Variants in GNAS observed in about 807,000 individuals in gnomAD.
The protein encoded by GNAS is GNAS complex locus, also known as protein ALEX.
A neutral mutation model predicts 54.5 loss-of-function variants in GNAS; 8 were observed. The ratio of observed to expected loss-of-function variants is 0.15; its 90% CI spans 0.09 to 0.26. GNAS has a LOEUF of 0.26. Ranked by LOEUF, GNAS falls within the 10% of genes least tolerant of loss-of-function variation. The probability of loss-of-function intolerance (pLI) is 1.00; values close to 1 mark genes in which losing one functional copy is unlikely to be tolerated. For missense variants in GNAS, 170 were observed against 529.8 expected, an observed-to-expected ratio of 0.32 and a Z score of 6.67; for synonymous variants, 204 against 191.4, an observed-to-expected ratio of 1.07 and a Z score of -0.54.
chr20:58,895,697 T>C lies in GNAS; in HGVS notation c.212+13T>C, dbSNP rs937229954. 5 of 1,459,044 alleles carry C rather than the reference T, an allele frequency of 3.4e-6. No homozygotes were observed. The highest frequency in any genetic ancestry group is 4.8e-6 in the Non-Finnish European group (5 of 1,037,938). 90.4% of individuals were successfully genotyped at this position (1,459,044 alleles called of 1,614,324 possible). A position where few individuals can be genotyped will look rare whatever the true frequency, so the allele number is the denominator to read the frequency against. On this transcript the variant is annotated intron_variant, in intron 2 of 12. Transcript: ENST00000371085. ...GGTTTAATGGAGAGTAAGTGTCAAA[T>C]CTGTGCAGGGGGGCACCAAGTAAGA...
intron 6 of GNAS, among the ~76,000 whole-genome samples, chr20:58,908,368 G>T (rs2091220815): frequency 6.6e-6 from 1 of 152,060 alleles, no homozygotes; most frequent in Non-Finnish European, 1.5e-5. Flanking sequence ...TCTATTTCAT[G>T]GACCAAACAG....
At position 58,841,824 on chromosome 20, in the gene GNAS, G is replaced by C; in HGVS notation, c.43+938G>C. ...ATGCGGCTTAGCAGGAGACGTCCTG[G>C]GCTGTTTGCGCAGGACCTCTGGAGG... On this transcript the variant is annotated intron_variant, in intron 1 of 12. Coordinates refer to the GNAS transcript ENST00000306090. This position sits in a 1 kb window ranked among gnomAD's most constrained non-coding sequence, Gnocchi z 5.0. The C allele has an allele frequency of 8.1e-7, 1 of 1,230,940 alleles. No homozygotes were observed. 76.3% of individuals were successfully genotyped at this position (1,230,940 alleles called of 1,614,324 possible). A position where few individuals can be genotyped will look rare whatever the true frequency, so the allele number is the denominator to read the frequency against.
intron 1 of GNAS, among the ~76,000 whole-genome samples, chr20:58,844,618 A>G (rs2085871838): frequency 6.6e-6 from 1 of 152,174 alleles, no homozygotes; most frequent in East Asian, 1.9e-4. Flanking sequence ...TATCCCTTTC[A>G]GCTCCAAATG....
At chr20:58,903,502 A>ATTTTC in intron 3 of GNAS, 29 bp from the exon 4 acceptor site, 1 of 1,590,238 alleles carries the variant, frequency 6.3e-7, no homozygotes, top group Non-Finnish European at 8.6e-7. Context: ...GTGCAATATG[A>ATTTTC]TTTTCTTTTC....
chr20:58,889,057 G>A (rs1459204353), upstream of GNAS: 11 of 1,010,926 alleles, frequency 1.1e-5, no homozygotes, highest in Non-Finnish European at 1.3e-5. Flanking sequence ...GTGCGTCCCC[G>A]GTGGGCCGAT....
In GNAS at chr20:58,841,245, T is replaced by G; in HGVS notation, c.43+359T>G. The G allele has an allele frequency of 1.1e-6, 1 of 945,132 alleles. No homozygotes were observed. The highest frequency in any genetic ancestry group is 2.7e-5 in the South Asian group (1 of 37,662). The allele number at this position is 945,132 out of a possible 1,614,324, so 58.5% of individuals were successfully genotyped here. ...TGGTAAGTCACTTGTTTTGCGCGCT[T>G]TTCTTCCTCCTAGAAAGACTAGTCT... On this transcript the variant is annotated intron_variant, in intron 1 of 12. Coordinates refer to the GNAS transcript ENST00000306090. This position sits in a 1 kb window ranked among gnomAD's most constrained non-coding sequence, Gnocchi z 5.0.
chr20:58,900,406 A>C (rs1267283482), intron 3 of GNAS: 1 of 209,216 alleles, frequency 4.8e-6, no homozygotes, highest in Non-Finnish European at 9.7e-6. Flanking sequence ...TGCATGTTTC[A>C]GCAATCCCTG....
intron 1 of GNAS, chr20:58,842,264 G>A (rs535218689): frequency 1.3e-5 from 5 of 398,088 alleles, no homozygotes; most frequent in Non-Finnish European, 2.2e-5. Context: ...AATCTCATCC[G>A]ACTTGGAAAT....
Position 58,903,798 on chromosome 20 carries a change from T to C in GNAS, c.432+7T>C, listed in dbSNP as rs2090855712. The stretch of plus-strand genomic sequence containing the variant: ...TGACTTTGACTTCCCTCCCGTAAGC[T>C]ACACCCCGACTTGTGTGGCCTTAGC... On this transcript the variant is annotated splice_region_variant and intron_variant, in intron 5 of 12. Transcript: ENST00000371085. The C allele has an allele frequency of 6.2e-7, 1 of 1,613,994 alleles. No individual in the cohort carries two copies. The highest frequency in any genetic ancestry group is 8.5e-7 in the Non-Finnish European group (1 of 1,179,972).
At chr20:58,903,401 C>T (rs2090808404) in intron 3 of GNAS, 130 bp from the exon 4 acceptor site, 3 of 827,350 alleles carry the variant, frequency 3.6e-6, no homozygotes, top group East Asian at 2.6e-5. Flanking sequence ...CCAATCTTTG[C>T]ACAGATCCGA....
chr20:58,888,987 C>T (rs1030118659), upstream of GNAS: 2 of 855,794 alleles, frequency 2.3e-6, no homozygotes, highest in Admixed American at 1.3e-4. Flanking sequence ...CGCCCCCGGC[C>T]CACGCCCGCG....
chr20:58,846,856 A>G (rs1237027549), intron 1 of GNAS, among the ~76,000 whole-genome samples: 1 of 152,172 alleles, frequency 6.6e-6, no homozygotes, highest in East Asian at 1.9e-4. Context: ...AATTCCCACT[A>G]TGAATTGCAG....
intron 6 of GNAS, among the ~76,000 whole-genome samples, chr20:58,905,696 A>G (rs1244196584): frequency 1.3e-5 from 2 of 152,174 alleles, no homozygotes; most frequent in Admixed American, 1.3e-4. Context: ...ACATTATTTT[A>G]CATAAACATT....
At chr20:58,871,658 T>TAAAAA (rs2087475943) in intron 1 of GNAS, among the ~76,000 whole-genome samples, 2 of 87,016 alleles carry the variant, frequency 2.3e-5, no homozygotes, top group Admixed American at 1.0e-4. Context: ...CCAAAAAAAT[T>TAAAAA]AAAAGGGAGA....
chr20:58,854,186 C>G, intron 1 of GNAS: 1 of 1,613,046 alleles, frequency 6.2e-7, no homozygotes, highest in South Asian at 1.1e-5. Context: ...TCTCCGGACC[C>G]CCGTTCGAGA....
At chr20:58,872,747 G>A (rs2087551463) in intron 1 of GNAS, among the ~76,000 whole-genome samples, 1 of 151,928 alleles carries the variant, frequency 6.6e-6, no homozygotes, top group Admixed American at 6.5e-5. Flanking sequence ...CTGGGGTGAG[G>A]GTGGGGGGCA....
At chr20:58,899,684 T>C (rs996967000) in intron 3 of GNAS, among the ~76,000 whole-genome samples, 1 of 151,434 alleles carries the variant, frequency 6.6e-6, no homozygotes, top group Non-Finnish European at 1.5e-5. Context: ...TGCACATGCA[T>C]ACACAGACAC....
rs2086259319 is a variant in GNAS at position 58,853,315 on chromosome 20, A to G, written c.43+12429A>G. 6.5e-7 allele frequency: 1 copy of G among 1,550,170 alleles called. No individual in the cohort carries two copies. The highest frequency in any genetic ancestry group is 8.7e-7 in the Non-Finnish European group (1 of 1,146,688). On this transcript the variant is annotated intron_variant, in intron 1 of 12. Coordinates refer to the GNAS transcript ENST00000306090. This position sits in a 1 kb window ranked among gnomAD's most constrained non-coding sequence, Gnocchi z 4.4. ...GGCAATAATATGTCAGGACAACGCG[A>G]TATCCCCCCTGAAATCGGGGAACAG...
At chr20:58,906,177 G>A (rs1348892188) in intron 6 of GNAS, among the ~76,000 whole-genome samples, 4 of 152,204 alleles carry the variant, frequency 2.6e-5, no homozygotes, top group Non-Finnish European at 5.9e-5. Flanking sequence ...TACTACCTGC[G>A]AGGAGGACAG....
Sources: allele counts gnomAD v4.1 joint callset (sites outside exome capture counted in the v4.1 genomes callset), GRCh38; gene constraint gnomAD v4.1.1; non-coding constraint Gnocchi (gnomAD v3.1); transcripts MANE v1.5; gene names NCBI Gene and HGNC (gene_info 2026-07-23, HGNC 2026-07-21).